Variants in CDSN observed in about 807,000 individuals in gnomAD.
CDSN encodes the protein S protein.
Under a neutral mutation model 25.6 loss-of-function variants are expected in CDSN, and 11 were observed. The ratio of observed to expected loss-of-function variants is 0.43; its 90% CI spans 0.27 to 0.71. The LOEUF is 0.71. CDSN is among the 30% of genes least tolerant of loss of function. The pLI, the probability that CDSN is intolerant of heterozygous loss-of-function variation, is 0.20. For synonymous variants in CDSN, 266 were observed against 267.4 expected, an observed-to-expected ratio of 0.99 and a Z score of 0.05; for missense variants, 598 against 670.9, an observed-to-expected ratio of 0.89 and a Z score of 1.20.
In CDSN at chr6:31,116,924, G is replaced by C; in HGVS notation, c.691C>G (p.Pro231Ala). The change falls in exon 2 of 2, where the codon CCC (proline) becomes GCC (alanine). Residue 231 changes from proline (P) to alanine (A), a missense_variant. By Grantham distance (27) the Pro-to-Ala change is conservative (BLOSUM62 -1). Transcript: ENST00000376288. ...TAGGGGCCGGAGTGCGAGACGATGG[G>C]CCCTCCACTGCAGGGAGAGTCGGGG... ...DIPDSPCSGGPIVSHSGPYIP... is the reference protein window; with the variant it reads ...DIPDSPCSGGAIVSHSGPYIP... 1 of 1,614,152 alleles carries C rather than the reference G, an allele frequency of 6.2e-7. No homozygotes were observed.
Position 31,117,302 on chromosome 6 carries a change from A to T in CDSN, c.313T>A (p.Ser105Thr). The change falls in exon 2 of 2, where the codon TCT becomes ACT. Residue 105 changes from serine to threonine, a missense_variant. Ser to Thr is a moderately conservative substitution (Grantham distance 58). Coordinates refer to ENST00000376288, the MANE Select transcript of CDSN (RefSeq NM_001264.5). ...GAATACCCCGTTCCTGGCTTAAAAG[A>T]TCCTGCAGAACCACCCTGGGCAATG... ...SSIAQGGSAG[S>T]FKPGTGYSQV... The T allele has an allele frequency of 6.3e-7, 1 of 1,590,054 alleles. No individual in the cohort carries two copies. The highest frequency in any genetic ancestry group is 8.6e-7 in the Non-Finnish European group (1 of 1,167,554).
Position 31,117,438 on chromosome 6 carries a change from C to A in CDSN, c.177G>T (p.Lys59Asn). The change falls in exon 2 of 2, where the codon AAG (lysine) becomes AAT (asparagine). Residue 59 changes from lysine to asparagine, a missense_variant. By Grantham distance (94) the Lys-to-Asn change is moderately conservative (BLOSUM62 0). Transcript: ENST00000376288. ...AGCTACTGAAACCGCTGGAGTCACCCTTCCCAGTGAGGCAGGGGTCGTTAG... is the reference window on the plus strand; with the variant it reads ...AGCTACTGAAACCGCTGGAGTCACCATTCCCAGTGAGGCAGGGGTCGTTAG... The part of the protein sequence containing the change: ...TSPNDPCLTG[K>N]GDSSGFSSYS... The A allele has an allele frequency of 6.4e-7, 1 of 1,559,290 alleles. No individual in the cohort carries two copies. Among genetic ancestry groups the A allele is most frequent in the Non-Finnish European group, 8.7e-7 (1 of 1,151,740 alleles).
At chr6:31,117,914 C>T (rs899902370) in intron 1 of CDSN, 6 of 239,822 alleles carry the variant, frequency 2.5e-5, no homozygotes, top group Non-Finnish European at 3.3e-5. Context: ...GCCTGGGCAA[C>T]ATAGACCCCG....
chr6:31,117,686 CTA>C (rs1772242413), intron 1 of CDSN, 157 bp from the exon 2 acceptor site: 3 of 676,580 alleles, frequency 4.4e-6, no homozygotes, highest in Non-Finnish European at 7.8e-6. Context: ...GCTATTGTCT[CTA>C]AAGGATATTG....
Position 31,116,301 on chromosome 6 carries a change from T to C in CDSN, c.1314A>G (p.Gln438=), listed in dbSNP as rs17852998. Residue 438 remains glutamine, a synonymous_variant, in exon 2 of 2, where the codon CAA becomes CAG. Transcript: ENST00000376288. ...GCTGAAGGATGATTTTGCCACTGGA[T>C]TGGGAACTGGAGCTGCTGCTGAAGG... The part of the protein sequence containing the change: ...TGSFSSSSSS[Q]SSGKIILQPC... 5 of 1,613,948 alleles carry C rather than the reference T, an allele frequency of 3.1e-6. No individual in the cohort carries two copies. The highest frequency in any genetic ancestry group is 2.2e-5 in the East Asian group (1 of 44,852).
At chr6:31,120,220 C>A in intron 1 of CDSN, 115 bp downstream of exon 1, 2 of 810,036 alleles carry the variant, frequency 2.5e-6, no homozygotes, top group Non-Finnish European at 4.2e-6. Flanking sequence ...CAGTGAGGAG[C>A]AACCCCCAGA....
chr6:31,119,938 A>G (rs1164842081), intron 1 of CDSN, among the ~76,000 whole-genome samples: 1 of 152,074 alleles, frequency 6.6e-6, no homozygotes, highest in African/African-American at 2.4e-5. Flanking sequence ...GTTCTAATAT[A>G]TAATCCAAAT....
chr6:31,117,171 C>G lies in CDSN; in HGVS notation c.444G>C (p.Ser148=). Residue 148 remains serine (S), a synonymous_variant, in exon 2 of 2, where the codon TCG becomes TCC. Coordinates refer to ENST00000376288, the MANE Select transcript of CDSN (RefSeq NM_001264.5). ...SSHSGNSGSH[S]GSSSSHSSSS... is the part of the protein sequence containing the mutation. ...TGCTCGAATGAGAGCTGCTGCTTCC[C>G]GAGTGAGAGCCGCTGTTTCCCGAGT... 2 of 1,611,658 alleles carry G rather than the reference C, an allele frequency of 1.2e-6. No homozygotes were observed. Among genetic ancestry groups the G allele is most frequent in the African/African-American group, 2.7e-5 (2 of 74,812 alleles).
rs755187598 is a variant in CDSN at position 31,116,984 on chromosome 6, C to T, written c.631G>A (p.Val211Ile). The T allele has an allele frequency of 1.8e-5, 29 of 1,614,054 alleles. 1 individual carries two copies. In the South Asian group the frequency reaches 2.7e-4, roughly 15 times the overall value. The change falls in exon 2 of 2, where the codon GTC becomes ATC. Residue 211 changes from valine (V) to isoleucine (I), a missense_variant. Coordinates refer to ENST00000376288, the MANE Select transcript of CDSN (RefSeq NM_001264.5). ...CTACAGGGACGCTGGTTGGAGCTGA[C>T]GCTTTGGCCACTGCTGGATACCCCA... ...TFGVSSSGQSVSSNQRPCSSD... is the reference protein window; with the variant it reads ...TFGVSSSGQSISSNQRPCSSD...
chr6:31,118,837 C>CTTTTTTTTTTTTTTTTTTTTTTTTTTTT (rs201665595), intron 1 of CDSN: 2 of 92,490 alleles, frequency 2.2e-5, no homozygotes, highest in South Asian at 4.5e-4. Context: ...GTTTTTTCTT[C>CTTTTTTTTTTTTTTTTTTTTTTTTTTTT]TTCTTCTTTT....
chr6:31,117,886 C>T, intron 1 of CDSN: 1 of 312,936 alleles, frequency 3.2e-6, no homozygotes, highest in South Asian at 3.5e-5. Flanking sequence ...ATTGCATGCG[C>T]CCCAGAGTTC....
In CDSN at chr6:31,117,172, G is replaced by A. The variant is rs866521224; in HGVS notation, c.443C>T (p.Ser148Leu). Residue 148 changes from serine (S) to leucine (L), a missense_variant, in exon 2 of 2, where the codon TCG becomes TTG. Coordinates refer to ENST00000376288, the MANE Select transcript of CDSN (RefSeq NM_001264.5). ...SSHSGNSGSH[S>L]GSSSSHSSSS... The stretch of plus-strand genomic sequence containing the variant: ...GCTCGAATGAGAGCTGCTGCTTCCC[G>A]AGTGAGAGCCGCTGTTTCCCGAGTG... The A allele has an allele frequency of 6.2e-6, 10 of 1,611,716 alleles. No individual in the cohort carries two copies. The highest frequency in any genetic ancestry group is 4.0e-5 in the African/African-American group (3 of 74,754).
rs1416155363 is a variant in CDSN, at chr6:31,120,323, C to T, written c.85+12G>A. The T allele has an allele frequency of 4.5e-6, 7 of 1,567,070 alleles. No individual in the cohort carries two copies. The highest frequency in any genetic ancestry group is 1.4e-5 in the African/African-American group (1 of 73,878). On this transcript the variant is annotated intron_variant, in intron 1 of 1. Coordinates refer to ENST00000376288, the MANE Select transcript of CDSN (RefSeq NM_001264.5). The stretch of plus-strand genomic sequence containing the variant: ...CGCCTCCCTCCTGTTCCCAGGGCCC[C>T]CAGCCTCCTACCTGGCAGGAGGAGA...
In CDSN at chr6:31,117,526, G is replaced by A. The variant is rs1772230429; in HGVS notation, c.89C>T (p.Thr30Ile). Residue 30 changes from threonine (T) to isoleucine (I), a missense_variant, in exon 2 of 2, where the codon ACC (threonine) becomes ATC (isoleucine). Transcript: ENST00000376288. ...GAAGGTGCCAATGCTCTTAGCCAAG[G>A]TCCCTGTGGAGGAAAGCAGTGGTTA... The part of the protein sequence containing the change: ...LLLAGLLLPG[T>I]LAKSIGTFSD... The A allele has an allele frequency of 6.5e-7, 1 of 1,550,074 alleles. No individual in the cohort carries two copies. The highest frequency in any genetic ancestry group is 2.4e-5 in the East Asian group (1 of 40,944).
In CDSN at chr6:31,116,242, G is replaced by T. The variant is rs754858209; in HGVS notation, c.1373C>A (p.Pro458His). The T allele has an allele frequency of 1.6e-5, 26 of 1,613,914 alleles. No homozygotes were observed. Among genetic ancestry groups the T allele is most frequent in the Non-Finnish European group, 2.1e-5 (25 of 1,179,958 alleles). Reference protein sequence around the residue: ...CGSKSSSSGHPCMSVSSLTLT... With the variant: ...CGSKSSSSGHHCMSVSSLTLT... ...TGTCAAGGAGGAGACAGACATGCAAGGGTGACCAGAAGAGCTGGACTTGCT... is the reference window on the plus strand; with the variant it reads ...TGTCAAGGAGGAGACAGACATGCAATGGTGACCAGAAGAGCTGGACTTGCT... Residue 458 changes from proline to histidine, a missense_variant, in exon 2 of 2, where the codon CCT (proline) becomes CAT (histidine). By Grantham distance (77) the Pro-to-His change is moderately conservative (BLOSUM62 -2). Coordinates refer to ENST00000376288, the MANE Select transcript of CDSN (RefSeq NM_001264.5).
rs117066148 is a variant in CDSN, at chr6:31,115,915, G to T, written c.*110C>A. The T allele has an allele frequency of 3.3e-4, 316 of 946,952 alleles. 3 individuals are homozygous for T. The East Asian group carries it at 6.1e-3, about 18-fold the overall frequency. 58.7% of individuals were successfully genotyped at this position (946,952 alleles called of 1,614,324 possible). On this transcript the variant is annotated 3_prime_UTR_variant, in exon 2 of 2. Transcript: ENST00000376288. The surrounding 1 kb of genome is among the most constrained non-coding windows in gnomAD (Gnocchi z 4.2). ...GAAAGCAGAACCACTCTTTTGGGAAGGAGGGAAACTGAGCTAACCCTATGC... is the reference window on the plus strand; with the variant it reads ...GAAAGCAGAACCACTCTTTTGGGAATGAGGGAAACTGAGCTAACCCTATGC...
chr6:31,117,123 G>A lies in CDSN; in HGVS notation c.492C>T (p.Ser164=), dbSNP rs146697208. ...HSSSSSSFQF[S]SSSFQVGNGS... Reference sequence around the variant, plus strand: ...CATTCCCTACTTGGAAGCTGCTGCTGCTGAACTGAAAGCTGCTGCTGCTGC... The same window carrying A: ...CATTCCCTACTTGGAAGCTGCTGCTACTGAACTGAAAGCTGCTGCTGCTGC... The change falls in exon 2 of 2, where the codon AGC becomes AGT. Residue 164 remains serine, a synonymous_variant. Coordinates refer to ENST00000376288, the MANE Select transcript of CDSN (RefSeq NM_001264.5). 17 of 1,613,856 alleles carry A rather than the reference G, an allele frequency of 1.1e-5. No homozygotes were observed. The highest frequency in any genetic ancestry group is 1.4e-5 in the Non-Finnish European group (17 of 1,179,906).
Position 31,116,472 on chromosome 6 carries a change from T to G in CDSN, c.1143A>C (p.Gly381=), listed in dbSNP as rs1772131769. 1 of 1,601,770 alleles carries G rather than the reference T, an allele frequency of 6.2e-7. No homozygotes were observed. The highest frequency in any genetic ancestry group is 8.5e-7 in the Non-Finnish European group (1 of 1,173,914). The change falls in exon 2 of 2, where the codon GGA becomes GGC. Residue 381 remains glycine (G), a synonymous_variant. Coordinates refer to ENST00000376288, the MANE Select transcript of CDSN (RefSeq NM_001264.5). ...GTCCCTTGGAGCCCGTGGAGCCGCC[T>G]CCACAGAGCTGGACCCCACCAGTCC... ...PVGTGGVQLC[G]GGSTGSKGPC... is the part of the protein sequence containing the mutation.
At chr6:31,120,287 A>C (rs1228334993) in intron 1 of CDSN, 48 bp downstream of exon 1, 7 of 1,413,454 alleles carry the variant, frequency 5.0e-6, no homozygotes, top group Non-Finnish European at 2.9e-6. Flanking sequence ...CCTCTCCCGG[A>C]GTCTCCCTCC....
Sources: gnomAD v4.1 joint callset for allele counts (sites outside exome capture counted in the v4.1 genomes callset) on GRCh38, gnomAD v4.1.1 for gene constraint, Gnocchi (gnomAD v3.1) non-coding constraint, MANE v1.5 for transcripts, NCBI Gene and HGNC (gene_info 2026-07-23, HGNC 2026-07-21) for gene names.